The following CDK10 variants were observed in gnomAD, a reference collection of about 807,000 sequenced individuals.
CDK10 encodes cyclin dependent kinase 10.
CDK10 carries 55 observed loss-of-function variants against 51.0 expected under a neutral mutation model. The ratio of observed to expected loss-of-function variants is 1.08; its 90% CI spans 0.87 to 1.35. The LOEUF is 1.35. CDK10 is among the 40% of genes most tolerant of loss of function. The pLI is 0.00. For synonymous variants in CDK10, 255 were observed against 199.1 expected, an observed-to-expected ratio of 1.28 and a Z score of -2.36; for missense variants, 589 against 485.1, an observed-to-expected ratio of 1.21 and a Z score of -2.01.
chr16:89,694,857 GT>G, intron 10 of CDK10, 69 bp downstream of exon 10: 2 of 1,360,530 alleles, frequency 1.5e-6, no homozygotes, highest in Non-Finnish European at 9.9e-7. Flanking sequence ...GCCCCCGCCC[GT>G]GCCCACGCCC....
At chr16:89,694,399 G>A in intron 9 of CDK10, 167 bp downstream of exon 9, 2 of 874,582 alleles carry the variant, frequency 2.3e-6, no homozygotes, top group Non-Finnish European at 3.6e-6. Context: ...CCCAGGAGGA[G>A]GTGTGAGAAC....
chr16:89,692,290 T>A (rs1033768904), intron 5 of CDK10, 159 bp from the exon 6 acceptor site: 2 of 553,940 alleles, frequency 3.6e-6, no homozygotes, highest in Non-Finnish European at 6.3e-6. Context: ...TTTCCTGGGC[T>A]GCTGGGAGCG....
rs2060668866 is a variant in CDK10, at chr16:89,695,326, T to G, written c.966T>G (p.Tyr322Ter). The G allele has an allele frequency of 6.2e-7, 1 of 1,612,442 alleles. No homozygotes were observed. The highest frequency in any genetic ancestry group is 1.3e-5 in the African/African-American group (1 of 74,918). The change falls in exon 12 of 13, where the codon TAT becomes TAG. Residue 322 changes from tyrosine to a stop codon, truncating the protein, a stop_gained. Transcript: ENST00000353379. LOFTEE classifies it high-confidence loss of function. ...CCGGGGACTGCCTGGAGAGCTCCTA[T>G]TTCAAGGAGAAGCCCCTACGTGAGT... ...ATAGDCLESSYFKEKPLPCEP... is the reference protein window; with the variant it reads ...ATAGDCLESS
At chr16:89,690,686 C>T (rs2060405329) in intron 3 of CDK10, 62 bp downstream of exon 3, 1 of 1,394,754 alleles carries the variant, frequency 7.2e-7, no homozygotes, top group Admixed American at 1.7e-5. Context: ...ATGTGAGTTA[C>T]CTGAAGTTTC....
Position 89,695,682 on chromosome 16 carries a change from G to T in CDK10, c.1073G>T (p.Cys358Phe). The T allele has an allele frequency of 6.3e-7, 1 of 1,597,992 alleles. No homozygotes were observed. The change falls in exon 13 of 13, where the codon TGT becomes TTT. Residue 358 changes from cysteine to phenylalanine, a missense_variant. Coordinates refer to ENST00000353379, the MANE Select transcript of CDK10 (RefSeq NM_052988.5). ...ACCTCCGAGGGCCAGAGCAAGCGCT[G>T]TAAACCCTGACGGTGGGCCTGGCAC... ...PATSEGQSKR[C>F]KP
chr16:89,694,795 G>A lies in CDK10; in HGVS notation c.792+7G>A, dbSNP rs371336768. On this transcript the variant is annotated splice_region_variant and intron_variant, in intron 10 of 12. Transcript: ENST00000353379. ...CAGTGAGAACATCTGGCCGGTGGGC[G>A]TCCTGGGCAGACCCGCAGCCCCCGC... 1.5e-4 allele frequency: 226 copies of A among 1,557,226 alleles called. No homozygotes were observed. In the African/African-American group the frequency reaches 2.8e-3, roughly 19 times the overall value.
chr16:89,690,859 C>G (rs1234382115), intron 3 of CDK10, among the ~76,000 whole-genome samples: 1 of 152,186 alleles, frequency 6.6e-6, no homozygotes, highest in Non-Finnish European at 1.5e-5. Flanking sequence ...GAGGCCACCT[C>G]ACTGCAGGCT....
chr16:89,687,845 A>T (rs2060267736), intron 1 of CDK10: 18 of 346,322 alleles, frequency 5.2e-5, no homozygotes, highest in South Asian at 3.9e-4. Flanking sequence ...CGGGAAAGGG[A>T]GTTTGAGACT....
intron 6 of CDK10, among the ~76,000 whole-genome samples, 151 bp from the exon 7 acceptor site, chr16:89,693,095 TCCACTGCACTCCAGCCTGGGCGACAGAG>T (rs2151585568): frequency 6.9e-6 from 1 of 144,852 alleles, no homozygotes; most frequent in South Asian, 2.2e-4. Context: ...CCGGGATTGC[TCCACTGCACTCCAGCCTGGGCGACAGAG>T]TGAGACTCTG....
At chr16:89,690,245 A>G (rs1238083233) in intron 2 of CDK10, 3 of 421,758 alleles carry the variant, frequency 7.1e-6, no homozygotes. Flanking sequence ...AAGAGAGCAC[A>G]AAGCAGTGAT....
At chr16:89,690,314 A>G in intron 2 of CDK10, 10 of 530,406 alleles carry the variant, frequency 1.9e-5, no homozygotes, top group Non-Finnish European at 3.4e-5. Context: ...GCTGGAGGCC[A>G]GGGTCCAGCA....
chr16:89,687,038 G>A (rs564949467), intron 1 of CDK10: 1 of 425,190 alleles, frequency 2.4e-6, no homozygotes, highest in Admixed American at 4.5e-5. Context: ...CGCCCGCGGA[G>A]AGACGGGCCC....
Position 89,695,945 on chromosome 16 carries a change from T to C in CDK10, c.*253T>C, listed in dbSNP as rs1413875976. ...CAGGTCTGGCGGCTCCATCCGTGGC[T>C]GCAGGGGTCTCATGTGGTCCTCCTC... On this transcript the variant is annotated 3_prime_UTR_variant, in exon 13 of 13. Coordinates refer to ENST00000353379, the MANE Select transcript of CDK10 (RefSeq NM_052988.5). 1.5e-6 allele frequency: 1 copy of C among 688,848 alleles called. No homozygotes were observed. The highest frequency in any genetic ancestry group is 1.8e-5 in the African/African-American group (1 of 56,328). The allele number at this position is 688,848 out of a possible 1,614,324, so 42.7% of individuals were successfully genotyped here.
intron 1 of CDK10, chr16:89,687,424 C>A: frequency 2.2e-6 from 1 of 448,510 alleles, no homozygotes. Context: ...GGCCAAGCCA[C>A]GTGTTCAGTA....
rs1567527698 is a variant in CDK10 at position 89,695,573 on chromosome 16, CACT to C, written c.986-21_986-19del. The C allele has an allele frequency of 4.4e-6, 7 of 1,592,440 alleles. No individual in the cohort carries two copies. Among genetic ancestry groups the C allele is most frequent in the Non-Finnish European group, 6.0e-6 (7 of 1,171,784 alleles). On this transcript the variant is annotated intron_variant, in intron 12 of 12. Coordinates refer to ENST00000353379, the MANE Select transcript of CDK10 (RefSeq NM_052988.5). ...CTATCTGGGGCCCTGCCCCGCCCAGCACTGAACCCTTCTCCCTGCAGCCTGTGA... is the reference window on the plus strand; with the variant it reads ...CTATCTGGGGCCCTGCCCCGCCCAGCGAACCCTTCTCCCTGCAGCCTGTGA...
At chr16:89,693,591 C>G (rs1465455742) in intron 8 of CDK10, 124 bp downstream of exon 8, 4 of 945,550 alleles carry the variant, frequency 4.2e-6, no homozygotes, top group African/African-American at 1.6e-5. Context: ...TCTGTGCACA[C>G]TCAGAAACGT....
At chr16:89,694,427 G>C (rs1567523183) in intron 9 of CDK10, 195 bp downstream of exon 9, 1 of 852,652 alleles carries the variant, frequency 1.2e-6, no homozygotes, top group Non-Finnish European at 1.9e-6. Context: ...GCTGTTCTCA[G>C]GCTGGGAGCA....
At position 89,692,476 on chromosome 16, in the gene CDK10, C is replaced by T. The variant is rs142000758; in HGVS notation, c.445C>T (p.Arg149Trp). ...QVKCIVLQVL[R>W]GLQYLHRNFI... ...CAAGTGCATCGTGCTGCAGGTGCTC[C>T]GGGGCCTCCAGTATCTGCACAGGAA... The change falls in exon 6 of 13, where the codon CGG becomes TGG. Residue 149 changes from arginine to tryptophan, a missense_variant. By Grantham distance (101) the Arg-to-Trp change is moderately radical (BLOSUM62 -3). Coordinates refer to ENST00000353379, the MANE Select transcript of CDK10 (RefSeq NM_052988.5). The T allele has an allele frequency of 1.8e-5, 29 of 1,596,422 alleles. 1 individual carries two copies. The highest frequency in any genetic ancestry group is 9.3e-5 in the East Asian group (4 of 42,848).
Position 89,695,009 on chromosome 16 carries a change from T to C in CDK10, c.871T>C (p.Trp291Arg). The change falls in exon 11 of 13, where the codon TGG (tryptophan) becomes CGG (arginine). Residue 291 changes from tryptophan to arginine, a missense_variant. By Grantham distance (101) the Trp-to-Arg change is moderately radical. Coordinates refer to ENST00000353379, the MANE Select transcript of CDK10 (RefSeq NM_052988.5). ...CAACAACCTGAAGCACAAGTTCCCA[T>C]GGCTGTCGGAGGCCGGGCTGCGCCT... ...PYNNLKHKFPWLSEAGLRLLH... is the reference protein window; with the variant it reads ...PYNNLKHKFPRLSEAGLRLLH... 1 of 1,613,190 alleles carries C rather than the reference T, an allele frequency of 6.2e-7. No homozygotes were observed.
Sources: allele counts gnomAD v4.1 joint callset (sites outside exome capture counted in the v4.1 genomes callset), GRCh38; gene constraint gnomAD v4.1.1; transcripts MANE v1.5; gene names NCBI Gene and HGNC (gene_info 2026-07-23, HGNC 2026-07-21).